NSUN6: variants seen among roughly 807,000 people sequenced by gnomAD.
NSUN6 encodes the protein tRNA (cytosine(72)-C(5))-methyltransferase NSUN6.
In NSUN6, 64 loss-of-function variants were observed where a neutral mutation model predicts 58.0. The ratio of observed to expected loss-of-function variants is 1.10; its 90% CI spans 0.90 to 1.36. The LOEUF (loss-of-function observed/expected upper bound fraction) is 1.36, where lower values mean the gene tolerates loss of function less well. Ranked by LOEUF, NSUN6 falls within the 40% of genes most tolerant of loss-of-function variation. The pLI is 0.00. For missense variants in NSUN6, 701 were observed against 550.1 expected (o/e 1.27, Z -2.74); for synonymous variants, 231 against 193.9 (o/e 1.19, Z -1.59).
At chr10:18,576,683 CTT>C (rs973049483) in intron 8 of NSUN6, among the ~76,000 whole-genome samples, 24 of 152,164 alleles carry the variant, frequency 1.6e-4, no homozygotes, top group African/African-American at 4.1e-4. Flanking sequence ...AGGGAGGAAA[CTT>C]AGCATTCCTT....
intron 8 of NSUN6, among the ~76,000 whole-genome samples, chr10:18,567,983 A>G (rs184295347): frequency 3.5e-3 from 520 of 147,564 alleles, no homozygotes; most frequent in Non-Finnish European, 6.6e-3. Context: ...TCCCCATTCC[A>G]TTCCATTCTC....
chr10:18,648,686 ACAGT>A (rs2131599963), intron 1 of NSUN6, 41 bp from the exon 2 acceptor site: 1 of 1,227,342 alleles, frequency 8.1e-7, no homozygotes, highest in Admixed American at 1.8e-5. Context: ...AGAATTAAAA[ACAGT>A]CAGCAGAGCA....
intron 3 of NSUN6, among the ~76,000 whole-genome samples, chr10:18,635,334 C>G (rs1485645279): frequency 2.0e-5 from 3 of 152,146 alleles, no homozygotes; most frequent in Admixed American, 2.0e-4. Context: ...ATTAGTGTGA[C>G]TGTATGATAG....
Position 18,641,107 on chromosome 10 carries a change from T to C in NSUN6, c.311+1369A>G, listed in dbSNP as rs1052432710. 2.6e-5 allele frequency among the ~76,000 whole-genome samples: 4 copies of C among 152,120 alleles called. No homozygotes were observed. The East Asian group carries it at 7.7e-4, about 29-fold the overall frequency. On this transcript the variant is annotated intron_variant, in intron 3 of 10. Transcript: ENST00000377304. ...TTAAAAACTGATCATAAACATCTTC[T>C]CTGATTGGTAAGTAGAATTCTCCCA...
intron 8 of NSUN6, among the ~76,000 whole-genome samples, chr10:18,568,105 C>CTCCAT (rs1191423285): frequency 1.3e-5 from 2 of 150,826 alleles, no homozygotes; most frequent in Non-Finnish European, 3.0e-5. Context: ...GCACTCCATG[C>CTCCAT]TCCATTCCAT....
intron 9 of NSUN6, among the ~76,000 whole-genome samples, chr10:18,550,728 C>T (rs1234113863): frequency 1.4e-5 from 2 of 138,968 alleles, no homozygotes; most frequent in African/African-American, 2.7e-5. Context: ...CAAAAAATCT[C>T]TTTTTTTTTT....
intron 8 of NSUN6, among the ~76,000 whole-genome samples, chr10:18,560,360 G>A (rs375519337): frequency 1.3e-5 from 2 of 151,146 alleles, no homozygotes; most frequent in East Asian, 3.9e-4. Context: ...GTAATGTAAT[G>A]CAGGATGGAA....
intron 8 of NSUN6, among the ~76,000 whole-genome samples, chr10:18,554,800 A>AAATGG (rs1396080962): frequency 6.6e-6 from 1 of 150,880 alleles, no homozygotes; most frequent in Admixed American, 6.6e-5. Flanking sequence ...ATGGAGAATG[A>AAATGG]AATGGAATGG....
At chr10:18,611,583 G>A (rs557819847) in intron 5 of NSUN6, among the ~76,000 whole-genome samples, 5 of 152,050 alleles carry the variant, frequency 3.3e-5, no homozygotes, top group Non-Finnish European at 2.9e-5. Context: ...AGGCTGGAGC[G>A]CAGTGGCACA....
intron 8 of NSUN6, among the ~76,000 whole-genome samples, chr10:18,574,481 C>A (rs147314351): frequency 2.6e-4 from 39 of 152,170 alleles, no homozygotes; most frequent in African/African-American, 9.1e-4. Context: ...AAAGGTTTGA[C>A]CAGACCTAGA....
In NSUN6 at chr10:18,597,694, A is replaced by T. The variant is rs1590006347; in HGVS notation, c.658-1367T>A. ...GGCAGGAGAATCACTTGAACCCAGGAGGTGGAGTTTGCAGTGAGCAGAGAT... is the reference window on the plus strand; with the variant it reads ...GGCAGGAGAATCACTTGAACCCAGGTGGTGGAGTTTGCAGTGAGCAGAGAT... On this transcript the variant is annotated intron_variant, in intron 6 of 10. Coordinates refer to ENST00000377304, the MANE Select transcript of NSUN6 (RefSeq NM_182543.5). Among the ~76,000 whole-genome samples the T allele has an allele frequency of 2.6e-5, 4 of 152,220 alleles. No homozygotes were observed. In the South Asian group the frequency reaches 8.3e-4, roughly 32 times the overall value.
intron 2 of NSUN6, among the ~76,000 whole-genome samples, chr10:18,644,256 T>A (rs958990775): frequency 6.6e-6 from 1 of 152,138 alleles, no homozygotes; most frequent in Non-Finnish European, 1.5e-5. Context: ...AAACCAAGCA[T>A]CCCTAGTCTA....
intron 3 of NSUN6, among the ~76,000 whole-genome samples, chr10:18,623,145 A>C (rs549000131): frequency 6.6e-5 from 10 of 152,226 alleles, no homozygotes; most frequent in Non-Finnish European, 7.3e-5. Flanking sequence ...TTTATTTTAA[A>C]TTTCATTTGA....
rs74944503 is a variant in NSUN6 at position 18,637,239 on chromosome 10, A to G, written c.311+5237T>C. ...GGGCCTCCCAAAGTGCTGGGATTACAGGCGTGAGCCACCACGCCCGGCCTC... is the reference window on the plus strand; with the variant it reads ...GGGCCTCCCAAAGTGCTGGGATTACGGGCGTGAGCCACCACGCCCGGCCTC... On this transcript the variant is annotated intron_variant, in intron 3 of 10. Coordinates refer to ENST00000377304, the MANE Select transcript of NSUN6 (RefSeq NM_182543.5). Among the ~76,000 whole-genome samples, 13 of 152,304 alleles carry G rather than the reference A, an allele frequency of 8.5e-5. No homozygotes were observed. In the East Asian group the frequency reaches 2.5e-3, roughly 30 times the overall value.
In NSUN6 at chr10:18,545,885, C is replaced by T; in HGVS notation, c.*48G>A. The T allele has an allele frequency of 2.0e-6, 1 of 511,942 alleles. No homozygotes were observed. The highest frequency in any genetic ancestry group is 2.9e-6 in the Non-Finnish European group (1 of 343,850). The allele number at this position is 511,942 out of a possible 1,614,324, so 31.7% of individuals were successfully genotyped here. A position where few individuals can be genotyped will look rare whatever the true frequency, so the allele number is the denominator to read the frequency against. ...ACTTTGGTTAAAAAAAAAAAAACCA[C>T]AGACAGCAAATGTTTGGAATTTTCA... On this transcript the variant is annotated 3_prime_UTR_variant, in exon 11 of 11. Coordinates refer to ENST00000377304, the MANE Select transcript of NSUN6 (RefSeq NM_182543.5).
intron 8 of NSUN6, among the ~76,000 whole-genome samples, chr10:18,562,356 C>T (rs1051541648): frequency 2.2e-5 from 3 of 135,166 alleles, no homozygotes; most frequent in Admixed American, 1.5e-4. Flanking sequence ...GACTGCGAAA[C>T]GGAATAGCAT....
intron 3 of NSUN6, among the ~76,000 whole-genome samples, chr10:18,638,233 A>G (rs2059280248): frequency 6.6e-6 from 1 of 152,172 alleles, no homozygotes; most frequent in African/African-American, 2.4e-5. Context: ...ACCTGAGGTC[A>G]CGAATTTGAG....
intron 8 of NSUN6, among the ~76,000 whole-genome samples, chr10:18,583,153 C>G (rs2056980226): frequency 6.6e-6 from 1 of 152,178 alleles, no homozygotes; most frequent in South Asian, 2.1e-4. Flanking sequence ...CTTGGCTGAT[C>G]AGTCAACTTT....
intron 6 of NSUN6, among the ~76,000 whole-genome samples, chr10:18,603,057 C>G (rs2057909038): frequency 6.6e-6 from 1 of 152,112 alleles, no homozygotes; most frequent in Admixed American, 6.6e-5. Context: ...CTTTGGGAAG[C>G]CGAGGCAAGC....
Sources: gnomAD v4.1 joint callset for allele counts (sites outside exome capture counted in the v4.1 genomes callset) on GRCh38, gnomAD v4.1.1 for gene constraint, MANE v1.5 for transcripts, NCBI Gene and HGNC (gene_info 2026-07-23, HGNC 2026-07-21) for gene names.